The following KCNQ5 variants were observed in gnomAD, a reference collection of about 807,000 sequenced individuals.
KCNQ5 encodes the protein potassium voltage-gated channel subfamily Q member 5.
A neutral mutation model predicts 98.2 loss-of-function variants in KCNQ5; 30 were observed. The observed-to-expected ratio is 0.31, with a 90% CI of 0.23 to 0.41. KCNQ5 has a LOEUF of 0.41. Among genes scored for constraint, KCNQ5 ranks in the 10% least tolerant of loss-of-function variants. The pLI, the probability that KCNQ5 is intolerant of heterozygous loss-of-function variation, is 1.00. For missense variants in KCNQ5, 835 were observed against 1,182.5 expected (o/e 0.71, Z 4.31); for synonymous variants, 458 against 449.4 (o/e 1.02, Z -0.24).
At chr6:73,046,956 AT>A (rs1163394921) in intron 3 of KCNQ5, among the ~76,000 whole-genome samples, 13 of 152,132 alleles carry the variant, frequency 8.5e-5, no homozygotes, top group Admixed American at 3.3e-4. Context: ...ATAATGTCCC[AT>A]TTTATAGATG....
intron 1 of KCNQ5, among the ~76,000 whole-genome samples, chr6:72,957,669 A>G (rs1223649668): frequency 2.0e-5 from 3 of 152,028 alleles, no homozygotes; most frequent in Non-Finnish European, 4.4e-5. Flanking sequence ...TTTTCATCGA[A>G]ATGCTAATGA....
intron 1 of KCNQ5, among the ~76,000 whole-genome samples, chr6:72,749,535 C>G (rs1448642541): frequency 6.6e-6 from 1 of 152,088 alleles, no homozygotes; most frequent in Admixed American, 6.6e-5. Flanking sequence ...CTTCCTCCAA[C>G]TGCTCACAAG....
chr6:73,030,479 A>G (rs1346665251), intron 2 of KCNQ5, among the ~76,000 whole-genome samples: 1 of 152,240 alleles, frequency 6.6e-6, no homozygotes, highest in Non-Finnish European at 1.5e-5. Context: ...GATATTACTC[A>G]TATTGCCACA....
At chr6:72,786,757 T>A (rs548950907) in intron 1 of KCNQ5, among the ~76,000 whole-genome samples, 14 of 151,932 alleles carry the variant, frequency 9.2e-5, no homozygotes, top group African/African-American at 3.4e-4. Flanking sequence ...CTGTAATCCC[T>A]GCACTTTGGG....
chr6:72,917,694 A>C (rs1780213081), intron 1 of KCNQ5, among the ~76,000 whole-genome samples: 1 of 151,788 alleles, frequency 6.6e-6, no homozygotes, highest in African/African-American at 2.4e-5. Flanking sequence ...GATGGTCTCG[A>C]TTTCTTGGCC....
intron 1 of KCNQ5, among the ~76,000 whole-genome samples, chr6:72,679,579 G>C (rs186036603): frequency 8.5e-6 from 1 of 117,064 alleles, no homozygotes; most frequent in East Asian, 3.1e-4. Context: ...GTTGTGGGGT[G>C]GGGGGAGGGG....
At chr6:73,053,626 G>A (rs1282281097) in intron 3 of KCNQ5, among the ~76,000 whole-genome samples, 1 of 152,128 alleles carries the variant, frequency 6.6e-6, no homozygotes, top group Non-Finnish European at 1.5e-5. Context: ...AATTAAGGTA[G>A]AAATTCAGAA....
chr6:73,047,234 C>A (rs1011436815), intron 3 of KCNQ5, among the ~76,000 whole-genome samples: 1 of 152,128 alleles, frequency 6.6e-6, no homozygotes, highest in Non-Finnish European at 1.5e-5. Context: ...AAAAGCCAGG[C>A]TTTATAGAAC....
chr6:72,837,438 A>G (rs953557044), intron 1 of KCNQ5, among the ~76,000 whole-genome samples: 7 of 152,046 alleles, frequency 4.6e-5, no homozygotes, highest in African/African-American at 1.7e-4. Flanking sequence ...ATTGTCTAGT[A>G]CCTTGCCTTT....
intron 3 of KCNQ5, among the ~76,000 whole-genome samples, chr6:73,045,569 A>G (rs1013875348): frequency 1.3e-5 from 2 of 152,204 alleles, no homozygotes; most frequent in Admixed American, 1.3e-4. Context: ...TGGCTGCTTT[A>G]TGATTTCTCT....
At chr6:73,136,921 G>T (rs1776496646) in intron 10 of KCNQ5, among the ~76,000 whole-genome samples, 2 of 152,020 alleles carry the variant, frequency 1.3e-5, no homozygotes, top group South Asian at 4.2e-4. Flanking sequence ...TTCACTTCTG[G>T]GGCTGTTTTC....
At chr6:73,001,733 A>G (rs1024141039) in intron 1 of KCNQ5, among the ~76,000 whole-genome samples, 6 of 152,100 alleles carry the variant, frequency 3.9e-5, no homozygotes, top group African/African-American at 1.4e-4. Flanking sequence ...TTTCTCATTT[A>G]TAGTTTGGGG....
At chr6:72,739,093 A>T (rs973622623) in intron 1 of KCNQ5, among the ~76,000 whole-genome samples, 24 of 152,108 alleles carry the variant, frequency 1.6e-4, no homozygotes, top group African/African-American at 5.8e-4. Context: ...ATTGTAACCA[A>T]TGTTCCAGTT....
chr6:72,897,186 G>C (rs1779286623), intron 1 of KCNQ5, among the ~76,000 whole-genome samples: 1 of 151,912 alleles, frequency 6.6e-6, no homozygotes, highest in Non-Finnish European at 1.5e-5. Flanking sequence ...GGATAATGGG[G>C]GAAAAAATTG....
intron 1 of KCNQ5, among the ~76,000 whole-genome samples, chr6:72,692,085 AT>A (rs1197031519): frequency 1.3e-5 from 2 of 152,170 alleles, no homozygotes; most frequent in African/African-American, 4.8e-5. Flanking sequence ...CATTGCTGTG[AT>A]TTCAGAAAGG....
chr6:73,142,926 T>C (rs887589062), intron 10 of KCNQ5, among the ~76,000 whole-genome samples: 4 of 151,884 alleles, frequency 2.6e-5, no homozygotes, highest in Non-Finnish European at 5.9e-5. Flanking sequence ...CGAAAATAAA[T>C]AAATAAATAA....
At chr6:72,858,363 CTGTG>C in intron 1 of KCNQ5, among the ~76,000 whole-genome samples, 1 of 152,096 alleles carries the variant, frequency 6.6e-6, no homozygotes, top group South Asian at 2.1e-4. Flanking sequence ...TCAGATGTTC[CTGTG>C]TTTCTGTCAC....
intron 1 of KCNQ5, among the ~76,000 whole-genome samples, chr6:72,706,379 A>T (rs1352760279): frequency 6.6e-6 from 1 of 151,966 alleles, no homozygotes; most frequent in Admixed American, 6.6e-5. Flanking sequence ...AATTTAAAAG[A>T]TGCCTTGCTT....
chr6:73,157,836 C>T, intron 10 of KCNQ5: 1 of 779,766 alleles, frequency 1.3e-6, no homozygotes, highest in Non-Finnish European at 2.4e-6. Context: ...CTTTGGCAAA[C>T]TCTAGCCTCA....
Sources: allele counts gnomAD v4.1 joint callset (sites outside exome capture counted in the v4.1 genomes callset), GRCh38; gene constraint gnomAD v4.1.1; transcripts MANE v1.5; gene names NCBI Gene and HGNC (gene_info 2026-07-23, HGNC 2026-07-21).